Variants in OPCML observed in about 807,000 individuals in gnomAD.
OPCML encodes opioid-binding protein/cell adhesion molecule.
Under a neutral mutation model 37.8 loss-of-function variants are expected in OPCML, and 13 were observed. The ratio of observed to expected loss-of-function variants is 0.34; its 90% CI spans 0.22 to 0.55. OPCML has a LOEUF of 0.55. OPCML is among the 20% of genes least tolerant of loss of function. The pLI is 0.91. For synonymous variants in OPCML, 176 were observed against 168.8 expected, an observed-to-expected ratio of 1.04 and a Z score of -0.33; for missense variants, 341 against 435.6, an observed-to-expected ratio of 0.78 and a Z score of 1.93.
In OPCML at chr11:132,680,465, G is replaced by A. The variant is rs140985063; in HGVS notation, c.147-23146C>T. Among the ~76,000 whole-genome samples the A allele has an allele frequency of 1.9e-3, 285 of 152,230 alleles. 1 individual carries two copies. The highest frequency in any genetic ancestry group is 6.6e-3 in the African/African-American group (274 of 41,538). ...AGGCAGTTGTTCCCTTTGCCCACGT[G>A]AAGACAGATCTGATGCACTTTCCTC... On this transcript the variant is annotated intron_variant, in intron 2 of 7. Transcript: ENST00000524381.
chr11:133,132,102 A>G (rs1452536292), intron 1 of OPCML, among the ~76,000 whole-genome samples: 3 of 152,234 alleles, frequency 2.0e-5, no homozygotes, highest in Non-Finnish European at 4.4e-5. Flanking sequence ...CTAAAAGACA[A>G]ATACCACTGA....
intron 4 of OPCML, among the ~76,000 whole-genome samples, chr11:132,485,369 T>G (rs1429604646): frequency 6.6e-6 from 1 of 152,224 alleles, no homozygotes; most frequent in African/African-American, 2.4e-5. Context: ...TTTTGTTTGT[T>G]TGTTTGTTTG....
chr11:132,725,291 T>C (rs1247647629), intron 2 of OPCML, among the ~76,000 whole-genome samples: 1 of 152,220 alleles, frequency 6.6e-6, no homozygotes, highest in Non-Finnish European at 1.5e-5. Flanking sequence ...TTGAGGCTTA[T>C]AGTCTCTGAA....
chr11:132,750,449 C>T (rs1945793120), intron 2 of OPCML, among the ~76,000 whole-genome samples: 1 of 152,126 alleles, frequency 6.6e-6, no homozygotes, highest in African/African-American at 2.4e-5. Context: ...ACCAAGGTGG[C>T]TGTCCATTCC....
intron 1 of OPCML, among the ~76,000 whole-genome samples, chr11:133,143,202 C>A (rs1050804325): frequency 6.6e-6 from 1 of 152,178 alleles, no homozygotes; most frequent in Admixed American, 6.5e-5. Context: ...TAGCCTACAG[C>A]GACTGAAGAG....
chr11:132,896,989 T>C (rs1262495047), intron 2 of OPCML, among the ~76,000 whole-genome samples: 1 of 152,174 alleles, frequency 6.6e-6, no homozygotes, highest in East Asian at 1.9e-4. Flanking sequence ...CATTCCTCAC[T>C]TGGGTGTCTT....
chr11:132,734,752 C>T (rs547316077), intron 2 of OPCML, among the ~76,000 whole-genome samples: 6 of 152,036 alleles, frequency 3.9e-5, no homozygotes, highest in Non-Finnish European at 5.9e-5. Context: ...GAGGTGTTGC[C>T]GACTGTAAAA....
intron 1 of OPCML, among the ~76,000 whole-genome samples, chr11:133,047,613 G>A (rs370276616): frequency 2.6e-5 from 4 of 152,156 alleles, no homozygotes; most frequent in Admixed American, 6.5e-5. Flanking sequence ...ACAGCCTGGC[G>A]ACTGCTGGCC....
intron 7 of OPCML, among the ~76,000 whole-genome samples, chr11:132,433,246 A>G (rs1359880537): frequency 4.6e-5 from 7 of 152,186 alleles, no homozygotes; most frequent in Non-Finnish European, 7.3e-5. Flanking sequence ...ACCAGTAGAA[A>G]CACGACAGTA....
At chr11:133,291,359 A>T (rs1942467208) in intron 1 of OPCML, among the ~76,000 whole-genome samples, 1 of 152,140 alleles carries the variant, frequency 6.6e-6, no homozygotes. Context: ...GGTGCTCCCC[A>T]ACCCGAGAGA....
intron 2 of OPCML, among the ~76,000 whole-genome samples, chr11:132,705,530 G>A (rs1943998288): frequency 6.6e-6 from 1 of 152,014 alleles, no homozygotes; most frequent in Non-Finnish European, 1.5e-5. Flanking sequence ...GAGGCAGAGG[G>A]TGCAGTGAGC....
intron 2 of OPCML, among the ~76,000 whole-genome samples, chr11:132,749,778 AT>A (rs1353341562): frequency 1.3e-5 from 2 of 152,188 alleles, no homozygotes; most frequent in African/African-American, 4.8e-5. Flanking sequence ...AAATGCAGGG[AT>A]TGTGGTAGAT....
intron 3 of OPCML, among the ~76,000 whole-genome samples, chr11:132,575,628 C>A (rs2096448678): frequency 6.6e-6 from 1 of 151,756 alleles, no homozygotes; most frequent in South Asian, 2.1e-4. Context: ...AATAATTTAT[C>A]TTTTAAGTTT....
rs774267869 is a variant in OPCML, at chr11:133,174,825, G to A, written c.62-231815C>T. 6.6e-6 allele frequency among the ~76,000 whole-genome samples: 1 copy of A among 152,152 alleles called. No homozygotes were observed. Among genetic ancestry groups the A allele is most frequent in the Non-Finnish European group, 1.5e-5 (1 of 68,036 alleles). ...GTATACTTCGTGTGCACTAGAAAAA[G>A]AGTACTTTAAAATAACCTGTAATCC... On this transcript the variant is annotated intron_variant, in intron 1 of 7. Coordinates refer to ENST00000524381, the MANE Select transcript of OPCML (RefSeq NM_001012393.5). This position sits in a 1 kb window ranked among gnomAD's most constrained non-coding sequence, Gnocchi z 4.6.
chr11:132,616,493 A>G (rs1939030063), intron 3 of OPCML, among the ~76,000 whole-genome samples: 1 of 152,198 alleles, frequency 6.6e-6, no homozygotes, highest in Non-Finnish European at 1.5e-5. Context: ...AGGGATATGT[A>G]TTAACCTTCT....
chr11:132,874,816 A>T (rs1050825570), intron 2 of OPCML, among the ~76,000 whole-genome samples: 3 of 152,140 alleles, frequency 2.0e-5, no homozygotes, highest in African/African-American at 7.2e-5. Context: ...CAAGAAATCC[A>T]AGACTGCTCA....
At chr11:133,268,235 G>A (rs890657042) in intron 1 of OPCML, among the ~76,000 whole-genome samples, 1 of 152,096 alleles carries the variant, frequency 6.6e-6, no homozygotes, top group Non-Finnish European at 1.5e-5. Context: ...TAGAAATCCA[G>A]TCACCAAACA....
chr11:132,849,633 C>A (rs1392567423), intron 2 of OPCML, among the ~76,000 whole-genome samples: 1 of 152,020 alleles, frequency 6.6e-6, no homozygotes, highest in Non-Finnish European at 1.5e-5. Flanking sequence ...CAAGTAGAGA[C>A]CTGGCTAAAA....
At chr11:132,726,435 C>T (rs1944887390) in intron 2 of OPCML, among the ~76,000 whole-genome samples, 1 of 152,094 alleles carries the variant, frequency 6.6e-6, no homozygotes, top group Non-Finnish European at 1.5e-5. Context: ...AATTACCTTC[C>T]ACTGGGTCCC....
Sources: allele counts gnomAD v4.1 joint callset (sites outside exome capture counted in the v4.1 genomes callset), GRCh38; gene constraint gnomAD v4.1.1; non-coding constraint Gnocchi (gnomAD v3.1); transcripts MANE v1.5; gene names NCBI Gene and HGNC (gene_info 2026-07-23, HGNC 2026-07-21).